RORA: variants seen among roughly 807,000 people sequenced by gnomAD.
RORA encodes nuclear receptor ROR-alpha.
RORA carries 7 observed loss-of-function variants against 69.5 expected under a neutral mutation model. The ratio of observed to expected loss-of-function variants is 0.10; its 90% CI spans 0.06 to 0.19. RORA has a LOEUF of 0.19. RORA is among the 10% of genes least tolerant of loss of function. The probability of loss-of-function intolerance (pLI) is 1.00; values close to 1 mark genes in which losing one functional copy is unlikely to be tolerated. For synonymous variants in RORA, 261 were observed against 240.8 expected (o/e 1.08, Z -0.78); for missense variants, 457 against 663.0 (o/e 0.69, Z 3.41).
intron 2 of RORA, among the ~76,000 whole-genome samples, chr15:60,672,887 A>G (rs1334373424): frequency 1.3e-5 from 2 of 152,230 alleles, no homozygotes; most frequent in African/African-American, 4.8e-5. Flanking sequence ...ATTACTGTCA[A>G]TATGAAACTA....
intron 2 of RORA, among the ~76,000 whole-genome samples, chr15:60,535,187 A>G (rs1440204661): frequency 1.3e-5 from 2 of 152,188 alleles, no homozygotes; most frequent in Non-Finnish European, 2.9e-5. Flanking sequence ...GTCAGACAGC[A>G]CTACTGTCAA....
At chr15:61,080,908 G>C (rs570382154) in intron 1 of RORA, among the ~76,000 whole-genome samples, 2 of 152,290 alleles carry the variant, frequency 1.3e-5, no homozygotes, top group East Asian at 3.9e-4. Flanking sequence ...TACATAAAGA[G>C]ACAAGGATGG....
intron 2 of RORA, chr15:60,627,383 C>G: frequency 6.2e-7 from 1 of 1,614,140 alleles, no homozygotes; most frequent in African/African-American, 1.3e-5. Context: ...ATGCCTTTTC[C>G]TGGTTACCCA....
intron 1 of RORA, among the ~76,000 whole-genome samples, chr15:60,884,811 G>C (rs777947777): frequency 6.6e-6 from 1 of 152,148 alleles, no homozygotes; most frequent in Non-Finnish European, 1.5e-5. Context: ...TAGAGCTATA[G>C]CTCAAGATGA....
At chr15:60,638,349 A>AT (rs2069877199) in intron 2 of RORA, among the ~76,000 whole-genome samples, 1 of 126,758 alleles carries the variant, frequency 7.9e-6, no homozygotes, top group Non-Finnish European at 1.7e-5. Context: ...GTTATAGGTG[A>AT]TTTTTTTCTT....
intron 1 of RORA, among the ~76,000 whole-genome samples, chr15:60,780,497 G>C (rs558242485): frequency 1.3e-5 from 2 of 152,322 alleles, no homozygotes; most frequent in South Asian, 2.1e-4. Context: ...CTTCCAACTA[G>C]CATCAGTGTT....
In RORA at chr15:60,531,832, T is replaced by A; in HGVS notation, c.216A>T (p.Pro72=). Residue 72 remains proline (P), a synonymous_variant, in exon 3 of 11, where the codon CCA becomes CCT. Coordinates refer to ENST00000335670, the MANE Select transcript of RORA (RefSeq NM_134261.3). This position sits in a 1 kb window ranked among gnomAD's most constrained non-coding sequence, Gnocchi z 4.8. ...KTHTSQIEII[P]CKICGDKSSG... ...ATGATTTGTCTCCACAGATCTTGCA[T>A]GGAATAATTTCAATTTGAGCTGCAA... 6.3e-7 allele frequency: 1 copy of A among 1,595,014 alleles called. No homozygotes were observed.
At chr15:60,706,671 A>C (rs574050219) in intron 1 of RORA, among the ~76,000 whole-genome samples, 3 of 152,298 alleles carry the variant, frequency 2.0e-5, no homozygotes, top group African/African-American at 7.2e-5. Flanking sequence ...CATTGTCACA[A>C]ATCCTCTCTG....
chr15:60,762,756 C>A (rs1567181859), intron 1 of RORA, among the ~76,000 whole-genome samples: 1 of 152,158 alleles, frequency 6.6e-6, no homozygotes, highest in Non-Finnish European at 1.5e-5. Flanking sequence ...ATTATGTCTG[C>A]AAGGGGGACT....
At chr15:61,164,165 G>A (rs1313490832) in intron 1 of RORA, among the ~76,000 whole-genome samples, 1 of 151,986 alleles carries the variant, frequency 6.6e-6, no homozygotes, top group African/African-American at 2.4e-5. Context: ...AACATGTGGA[G>A]CCTGTAGTCT....
At chr15:60,920,084 T>C (rs563269870) in intron 1 of RORA, among the ~76,000 whole-genome samples, 1 of 152,298 alleles carries the variant, frequency 6.6e-6, no homozygotes, top group South Asian at 2.1e-4. Context: ...TCTTCCTTTA[T>C]CAGCTCCCTC....
chr15:60,960,746 G>C (rs984857087), intron 1 of RORA, among the ~76,000 whole-genome samples: 1 of 150,340 alleles, frequency 6.7e-6, no homozygotes, highest in Non-Finnish European at 1.5e-5. Flanking sequence ...GGCTTCACTT[G>C]ATCGCCTCTG....
intron 1 of RORA, among the ~76,000 whole-genome samples, chr15:60,877,453 C>G (rs973299600): frequency 3.9e-5 from 6 of 152,054 alleles, no homozygotes; most frequent in Admixed American, 2.0e-4. Flanking sequence ...ATGTTCTTCC[C>G]CTGAGATAGT....
intron 1 of RORA, among the ~76,000 whole-genome samples, chr15:60,973,107 G>C (rs12593927): frequency 0.45 from 68,263 of 151,976 alleles, 16,201 homozygotes; most frequent in East Asian, 0.65. Flanking sequence ...AGGGCATGGG[G>C]AGGACACGCA....
intron 2 of RORA, among the ~76,000 whole-genome samples, chr15:60,628,329 A>T (rs2069646870): frequency 6.6e-6 from 1 of 152,002 alleles, no homozygotes; most frequent in Admixed American, 6.6e-5. Flanking sequence ...GGTTTGTGTG[A>T]TGTTTTTCTC....
intron 1 of RORA, chr15:61,041,189 A>T (rs1397717591): frequency 2.0e-5 from 3 of 152,238 alleles, no homozygotes; most frequent in Non-Finnish European, 4.4e-5. Context: ...CACTACACAC[A>T]TCCCAGGCTC....
At chr15:60,814,985 T>C (rs2072789856) in intron 1 of RORA, among the ~76,000 whole-genome samples, 1 of 152,132 alleles carries the variant, frequency 6.6e-6, no homozygotes, top group Non-Finnish European at 1.5e-5. Context: ...TGAATCCATG[T>C]TCAAAAGTAG....
intron 1 of RORA, among the ~76,000 whole-genome samples, chr15:60,809,467 T>C (rs982965075): frequency 6.6e-6 from 1 of 152,250 alleles, no homozygotes; most frequent in African/African-American, 2.4e-5. Context: ...GCAACCACTT[T>C]CAACTTCTTT....
chr15:61,217,825 G>A (rs1482885503), intron 1 of RORA, among the ~76,000 whole-genome samples: 1 of 152,082 alleles, frequency 6.6e-6, no homozygotes, highest in Non-Finnish European at 1.5e-5. Context: ...AAATGTACTA[G>A]CATATTAATG....
Sources: allele counts gnomAD v4.1 joint callset (sites outside exome capture counted in the v4.1 genomes callset), GRCh38; gene constraint gnomAD v4.1.1; non-coding constraint Gnocchi (gnomAD v3.1); transcripts MANE v1.5; gene names NCBI Gene and HGNC (gene_info 2026-07-23, HGNC 2026-07-21).